TWIST2: variants seen among roughly 807,000 people sequenced by gnomAD.
TWIST2 encodes twist-related protein 2.
A neutral mutation model predicts 11.6 loss-of-function variants in TWIST2; 1 was observed. That is an observed-to-expected ratio of 0.09 (90% CI 0.03 to 0.41). TWIST2 has a LOEUF of 0.41. Among genes scored for constraint, TWIST2 ranks in the 10% least tolerant of loss-of-function variants. The pLI, the probability that TWIST2 is intolerant of heterozygous loss-of-function variation, is 0.98. For missense variants in TWIST2, 168 were observed against 226.4 expected (o/e 0.74, Z 1.66); for synonymous variants, 87 against 96.6 (o/e 0.90, Z 0.58).
chr2:238,848,913 G>A (rs1412578892), intron 1 of TWIST2, among the ~76,000 whole-genome samples, 180 bp downstream of exon 1: 1 of 152,124 alleles, frequency 6.6e-6, no homozygotes, highest in Non-Finnish European at 1.5e-5. Context: ...CAGTCCCAGG[G>A]ACACCCCTGA....
intron 1 of TWIST2, among the ~76,000 whole-genome samples, chr2:238,851,546 T>A (rs1460282434): frequency 6.6e-6 from 1 of 150,778 alleles, no homozygotes; most frequent in Non-Finnish European, 1.5e-5. Flanking sequence ...GTGCACAGAT[T>A]TTCAGTAGAT....
At chr2:238,873,509 A>T (rs940674132) in intron 1 of TWIST2, among the ~76,000 whole-genome samples, 7 of 152,124 alleles carry the variant, frequency 4.6e-5, no homozygotes, top group Non-Finnish European at 7.4e-5. Context: ...GGGCAGGGGG[A>T]TGGCTTCAGA....
intron 1 of TWIST2, among the ~76,000 whole-genome samples, chr2:238,902,059 C>T (rs1693274071): frequency 6.6e-6 from 1 of 152,146 alleles, no homozygotes; most frequent in African/African-American, 2.4e-5. Flanking sequence ...TGGACATCCG[C>T]TCCATGCTGT....
In TWIST2 at chr2:238,894,525, C is replaced by T. The variant is rs953278088; in HGVS notation, c.*36-15317C>T. Among the ~76,000 whole-genome samples the T allele has an allele frequency of 1.8e-3, 280 of 152,334 alleles. 1 individual carries two copies. Among genetic ancestry groups the T allele is most frequent in the Non-Finnish European group, 2.7e-3 (186 of 68,032 alleles). On this transcript the variant is annotated intron_variant, in intron 1 of 1. Coordinates refer to ENST00000612363, the MANE Select transcript of TWIST2 (RefSeq NM_001271893.4). ...GAGCCGCCCTGCCCAGGCCCCACCTCGGGGTCTGTCCCCTGCCAGCCAGAG... is the reference window on the plus strand; with the variant it reads ...GAGCCGCCCTGCCCAGGCCCCACCTTGGGGTCTGTCCCCTGCCAGCCAGAG...
At chr2:238,874,473 G>T (rs1487446258) in intron 1 of TWIST2, among the ~76,000 whole-genome samples, 1 of 152,170 alleles carries the variant, frequency 6.6e-6, no homozygotes, top group African/African-American at 2.4e-5. Flanking sequence ...AGGAGACGTT[G>T]TGTTATCCCA....
chr2:238,908,683 G>C (rs1693397418), intron 1 of TWIST2, among the ~76,000 whole-genome samples: 1 of 151,890 alleles, frequency 6.6e-6, no homozygotes, highest in South Asian at 2.1e-4. Flanking sequence ...CAGTGTGTGG[G>C]GTGTGTGTAG....
rs1692405102 is a variant in TWIST2, at chr2:238,860,125, G to C, written c.*35+11392G>C. On this transcript the variant is annotated intron_variant, in intron 1 of 1. Transcript: ENST00000612363. ...CAGCCCAGGGCTCGTCTGCCCGCTC[G>C]GTGGACCGCTTCAGGCTGGTTCTGG... 2.0e-5 allele frequency among the ~76,000 whole-genome samples: 3 copies of C among 152,170 alleles called. No individual in the cohort carries two copies. In the South Asian group the frequency reaches 6.2e-4, roughly 32 times the overall value.
intron 1 of TWIST2, among the ~76,000 whole-genome samples, chr2:238,871,816 C>T (rs951544266): frequency 6.6e-6 from 1 of 152,164 alleles, no homozygotes; most frequent in Non-Finnish European, 1.5e-5. Context: ...CACTCTATGA[C>T]TCCACTTACA....
At chr2:238,895,994 C>T (rs953019268) in intron 1 of TWIST2, among the ~76,000 whole-genome samples, 9 of 152,216 alleles carry the variant, frequency 5.9e-5, no homozygotes, top group Admixed American at 4.6e-4. Context: ...TTCCAGCTGG[C>T]GTGAAGTCCT....
Position 238,902,690 on chromosome 2 carries a change from T to C in TWIST2, c.*36-7152T>C, listed in dbSNP as rs1266003124. ...TGTGTGATGTGGGGTGTGTGTGATA[T>C]GGGGTGTGATGTGTGAGGTGTGTGT... On this transcript the variant is annotated intron_variant, in intron 1 of 1. Transcript: ENST00000612363. 2.0e-3 allele frequency among the ~76,000 whole-genome samples: 258 copies of C among 130,488 alleles called. 2 individuals carry two copies. The highest frequency in any genetic ancestry group is 7.1e-3 in the African/African-American group (239 of 33,582). The allele number at this position is 130,488 out of a possible 152,430, so 85.6% of individuals were successfully genotyped here. A position where few individuals can be genotyped will look rare whatever the true frequency, so the allele number is the denominator to read the frequency against.
intron 1 of TWIST2, among the ~76,000 whole-genome samples, chr2:238,894,427 TG>T (rs1386318850): frequency 6.6e-6 from 1 of 152,176 alleles, no homozygotes; most frequent in Non-Finnish European, 1.5e-5. Flanking sequence ...TCACTGTGTC[TG>T]GTGGGTGGCC....
chr2:238,890,571 G>A, intron 1 of TWIST2, among the ~76,000 whole-genome samples: 1 of 151,940 alleles, frequency 6.6e-6, no homozygotes, highest in East Asian at 1.9e-4. Flanking sequence ...TTCTAGTTCT[G>A]GAAAAAAATT....
chr2:238,907,869 TACAC>T (rs1192570999), intron 1 of TWIST2, among the ~76,000 whole-genome samples: 1 of 108,812 alleles, frequency 9.2e-6, no homozygotes, highest in Middle Eastern at 8.6e-3. Flanking sequence ...ACACACCACA[TACAC>T]ACACACCACA....
chr2:238,854,084 G>A (rs188094920), intron 1 of TWIST2, among the ~76,000 whole-genome samples: 4 of 152,300 alleles, frequency 2.6e-5, no homozygotes, highest in African/African-American at 9.6e-5. Context: ...TCTCAGACCC[G>A]AAGAGCAGTG....
intron 1 of TWIST2, among the ~76,000 whole-genome samples, chr2:238,893,635 A>T (rs915368242): frequency 1.3e-5 from 2 of 152,162 alleles, no homozygotes; most frequent in Non-Finnish European, 2.9e-5. Flanking sequence ...AACCTGGAAC[A>T]CGGGCGCACC....
At chr2:238,879,251 C>T (rs542591746) in intron 1 of TWIST2, among the ~76,000 whole-genome samples, 22 of 151,460 alleles carry the variant, frequency 1.5e-4, no homozygotes, top group Non-Finnish European at 1.5e-4. Context: ...GACCAATAAT[C>T]AGGGCTCTGC....
rs963037525 is a variant in TWIST2 at position 238,853,923 on chromosome 2, G to A, written c.*35+5190G>A. Among the ~76,000 whole-genome samples the A allele has an allele frequency of 2.6e-5, 4 of 152,308 alleles. No individual in the cohort carries two copies. In the East Asian group the frequency reaches 7.7e-4, roughly 29 times the overall value. Reference sequence around the variant, plus strand: ...GATGAAGATGAGAGAGCGCGGCTGCGTGAGCTGAGTGCAGTGTCTGCTTGT... The same window carrying A: ...GATGAAGATGAGAGAGCGCGGCTGCATGAGCTGAGTGCAGTGTCTGCTTGT... On this transcript the variant is annotated intron_variant, in intron 1 of 1. Coordinates refer to ENST00000612363, the MANE Select transcript of TWIST2 (RefSeq NM_001271893.4).
At position 238,873,183 on chromosome 2, in the gene TWIST2, G is replaced by A. The variant is rs141755303; in HGVS notation, c.*35+24450G>A. ...GGGGTGGCACTTTGGTGGATCTGTC[G>A]TTCAATCAACAAATACTTGTTGAGA... is the stretch of plus-strand genomic sequence containing the variant. On this transcript the variant is annotated intron_variant, in intron 1 of 1. Transcript: ENST00000612363. Among the ~76,000 whole-genome samples, 1,265 of 152,256 alleles carry A rather than the reference G, an allele frequency of 8.3e-3. 11 individuals carry two copies. Among genetic ancestry groups the A allele is most frequent in the Non-Finnish European group, 0.014 (919 of 68,028 alleles).
At chr2:238,890,302 A>T (rs1260604770) in intron 1 of TWIST2, among the ~76,000 whole-genome samples, 1 of 152,150 alleles carries the variant, frequency 6.6e-6, no homozygotes, top group Non-Finnish European at 1.5e-5. Context: ...TCTGTGCAGG[A>T]CCGGCACAGT....
Sources: allele counts gnomAD v4.1 joint callset (sites outside exome capture counted in the v4.1 genomes callset), GRCh38; gene constraint gnomAD v4.1.1; transcripts MANE v1.5; gene names NCBI Gene and HGNC (gene_info 2026-07-23, HGNC 2026-07-21).